Variants in EIF2B2 observed in about 807,000 individuals in gnomAD.
EIF2B2 encodes the protein translation initiation factor eIF2B subunit beta.
Under a neutral mutation model 34.7 loss-of-function variants are expected in EIF2B2, and 34 were observed. The ratio of observed to expected loss-of-function variants is 0.98; its 90% CI spans 0.75 to 1.31. EIF2B2 has a LOEUF of 1.31. EIF2B2 is among the 50% of genes most tolerant of loss of function. The pLI, the probability that EIF2B2 is intolerant of heterozygous loss-of-function variation, is 0.00. For synonymous variants in EIF2B2, 155 were observed against 171.6 expected (o/e 0.90, Z 0.76); for missense variants, 361 against 447.7 (o/e 0.81, Z 1.75).
rs199523469 is a variant in EIF2B2 at position 75,009,236 on chromosome 14, A to C, written c.*48A>C. On this transcript the variant is annotated 3_prime_UTR_variant, in exon 8 of 8. Coordinates refer to ENST00000266126, the MANE Select transcript of EIF2B2 (RefSeq NM_014239.4). The stretch of plus-strand genomic sequence containing the variant: ...GATTGCTTAGGCAGATACAGAATGA[A>C]GAGGAGACTTGAGTGTTGCTGCTGA... The C allele has an allele frequency of 1.3e-3, 2,036 of 1,609,350 alleles. 1 individual carries two copies. Among genetic ancestry groups the C allele is most frequent in the Non-Finnish European group, 1.6e-3 (1,901 of 1,176,506 alleles).
In EIF2B2 at chr14:75,010,809, T is replaced by A. The variant is rs560358060; in HGVS notation, c.*1621T>A. The A allele has an allele frequency of 6.6e-6, 1 of 152,200 alleles. No homozygotes were observed. The highest frequency in any genetic ancestry group is 1.5e-5 in the Non-Finnish European group (1 of 68,046). 9.4% of individuals were successfully genotyped at this position (152,200 alleles called of 1,614,324 possible). The stretch of plus-strand genomic sequence containing the variant: ...TGGGACAGATTTGCAAGGAAGTCCA[T>A]TTGATACTCTGTTAGTTAAAAACAA... On this transcript the variant is annotated 3_prime_UTR_variant, in exon 8 of 8. Transcript: ENST00000266126.
rs560412948 is a variant in EIF2B2, at chr14:75,011,953, A to T, written c.*2765A>T. ...TCCTTCCCAGGCATGACTGAGTTGG[A>T]TGAAGGTTATAAGGGTAGAAGCTCT... On this transcript the variant is annotated 3_prime_UTR_variant, in exon 8 of 8. Coordinates refer to ENST00000266126, the MANE Select transcript of EIF2B2 (RefSeq NM_014239.4). 2.0e-5 allele frequency: 3 copies of T among 152,230 alleles called. No individual in the cohort carries two copies. The highest frequency in any genetic ancestry group is 2.9e-5 in the Non-Finnish European group (2 of 68,040). The allele number at this position is 152,230 out of a possible 1,614,324, so 9.4% of individuals were successfully genotyped here.
Position 75,003,012 on chromosome 14 carries a change from G to T in EIF2B2, c.22G>T (p.Gly8Cys). 6.2e-7 allele frequency: 1 copy of T among 1,614,132 alleles called. No individual in the cohort carries two copies. The highest frequency in any genetic ancestry group is 8.5e-7 in the Non-Finnish European group (1 of 1,180,026). MPGSAAK[G>C]SELSERIESF... ...AAAGATGCCGGGATCCGCAGCGAAG[G>T]GCTCGGAGTTGTCAGAGAGGATCGA... Residue 8 changes from glycine to cysteine, a missense_variant, in exon 1 of 8, where the codon GGC (glycine) becomes TGC (cysteine). Physicochemically the swap from Gly to Cys is radical, Grantham distance 159 (BLOSUM62 -3). Transcript: ENST00000266126.
Position 75,006,796 on chromosome 14 carries a change from C to T in EIF2B2, c.831+82C>T, listed in dbSNP as rs1215695128. Reference sequence around the variant, plus strand: ...GGCTTGAACTCTGGGACTTCAACCACCTCACTCCAGGGCCTCCATTTATCT... The same window carrying T: ...GGCTTGAACTCTGGGACTTCAACCATCTCACTCCAGGGCCTCCATTTATCT... On this transcript the variant is annotated intron_variant, in intron 6 of 7. Coordinates refer to ENST00000266126, the MANE Select transcript of EIF2B2 (RefSeq NM_014239.4). The surrounding 1 kb of genome is among the most constrained non-coding windows in gnomAD (Gnocchi z 4.1). 3.2e-6 allele frequency: 5 copies of T among 1,581,766 alleles called. No homozygotes were observed. Among genetic ancestry groups the T allele is most frequent in the Middle Eastern group, 1.7e-4 (1 of 6,006 alleles).
chr14:75,006,645 G>T lies in EIF2B2; in HGVS notation c.762G>T (p.Leu254=). 1 of 1,614,172 alleles carries T rather than the reference G, an allele frequency of 6.2e-7. No individual in the cohort carries two copies. The highest frequency in any genetic ancestry group is 1.1e-5 in the South Asian group (1 of 91,084). The change falls in exon 6 of 8, where the codon CTG becomes CTT. Residue 254 remains leucine (L), a synonymous_variant. Coordinates refer to ENST00000266126, the MANE Select transcript of EIF2B2 (RefSeq NM_014239.4). The surrounding 1 kb of genome is among the most constrained non-coding windows in gnomAD (Gnocchi z 4.1). ...ALRAVTGTHT[L]ALAAKHHSTP... ...GAGCTGTGACAGGAACTCACACTCT[G>T]GCACTGGCAGCAAAACACCATTCCA...
chr14:75,009,583 A>C lies in EIF2B2; in HGVS notation c.*395A>C. The C allele has an allele frequency of 3.3e-6, 1 of 305,850 alleles. No individual in the cohort carries two copies. The highest frequency in any genetic ancestry group is 6.4e-6 in the Non-Finnish European group (1 of 157,388). 18.9% of individuals were successfully genotyped at this position (305,850 alleles called of 1,614,324 possible). A position where few individuals can be genotyped will look rare whatever the true frequency, so the allele number is the denominator to read the frequency against. Reference sequence around the variant, plus strand: ...AGGCTCTACCAATAAAAGCCACTTGAAGGTTCCATAGTTGGTTTATTTATT... The same window carrying C: ...AGGCTCTACCAATAAAAGCCACTTGCAGGTTCCATAGTTGGTTTATTTATT... On this transcript the variant is annotated 3_prime_UTR_variant, in exon 8 of 8. Coordinates refer to ENST00000266126, the MANE Select transcript of EIF2B2 (RefSeq NM_014239.4).
In EIF2B2 at chr14:75,011,175, A is replaced by G. The variant is rs2139259865; in HGVS notation, c.*1987A>G. 6.6e-6 allele frequency: 1 copy of G among 152,364 alleles called. No homozygotes were observed. The highest frequency in any genetic ancestry group is 2.1e-4 in the South Asian group (1 of 4,828). 9.4% of individuals were successfully genotyped at this position (152,364 alleles called of 1,614,324 possible). On this transcript the variant is annotated 3_prime_UTR_variant, in exon 8 of 8. Coordinates refer to ENST00000266126, the MANE Select transcript of EIF2B2 (RefSeq NM_014239.4). ...GCCACTGCACTTTAGCCTGGGCAAC[A>G]GTGGGTGAGACTCTGTCTCACAAAA...
In EIF2B2 at chr14:75,003,564, A is replaced by T. The variant is rs368133564; in HGVS notation, c.298A>T (p.Ser100Cys). The change falls in exon 3 of 8, where the codon AGC becomes TGC. Residue 100 changes from serine (S) to cysteine (C), a missense_variant. Coordinates refer to ENST00000266126, the MANE Select transcript of EIF2B2 (RefSeq NM_014239.4). ...REEYGRLHGRSDESDQQESLH... is the reference protein window; with the variant it reads ...REEYGRLHGRCDESDQQESLH... ...TTGCCTCTATAGACTCCATGGACGC[A>T]GCGACGAGAGTGATCAGCAGGAGTC... 6.2e-6 allele frequency: 10 copies of T among 1,614,056 alleles called. No homozygotes were observed. The African/African-American group carries it at 1.3e-4, about 22-fold the overall frequency.
chr14:75,004,920 T>A lies in EIF2B2; in HGVS notation c.597+20T>A, dbSNP rs764725120. ...TGCCAGGTAAGGAGACTGCTGGAGTTGCTACTAAGAAAAATGAAAAATGAA... is the reference window on the plus strand; with the variant it reads ...TGCCAGGTAAGGAGACTGCTGGAGTAGCTACTAAGAAAAATGAAAAATGAA... On this transcript the variant is annotated intron_variant, in intron 4 of 7. Coordinates refer to ENST00000266126, the MANE Select transcript of EIF2B2 (RefSeq NM_014239.4). 6.2e-7 allele frequency: 1 copy of A among 1,608,648 alleles called. No homozygotes were observed. Among genetic ancestry groups the A allele is most frequent in the Non-Finnish European group, 8.5e-7 (1 of 1,177,024 alleles).
chr14:75,007,827 G>A (rs1230657345), intron 7 of EIF2B2, 39 bp downstream of exon 7: 1 of 1,599,998 alleles, frequency 6.3e-7, no homozygotes, highest in South Asian at 1.1e-5. Context: ...TGTGTTGTGT[G>A]TATTCGGGGT....
At chr14:75,004,687 A>AT (rs770181233) in intron 3 of EIF2B2, 50 bp from the exon 4 acceptor site, 6 of 107,676 alleles carry the variant, frequency 5.6e-5, no homozygotes, top group South Asian at 2.1e-4. Flanking sequence ...ATATATATAT[A>AT]TATTTTTTTT....
chr14:75,006,491 G>C lies in EIF2B2; in HGVS notation c.694-86G>C. The C allele has an allele frequency of 6.3e-7, 1 of 1,591,610 alleles. No homozygotes were observed. Among genetic ancestry groups the C allele is most frequent in the Non-Finnish European group, 8.5e-7 (1 of 1,170,768 alleles). On this transcript the variant is annotated intron_variant, in intron 5 of 7. Coordinates refer to ENST00000266126, the MANE Select transcript of EIF2B2 (RefSeq NM_014239.4). The surrounding 1 kb of genome is among the most constrained non-coding windows in gnomAD (Gnocchi z 4.1). ...TGACCCCTCACGATACCAATTCTGA[G>C]GTCTAAGCATTTAGCTTTTTGTGGC...
intron 2 of EIF2B2, 62 bp from the exon 3 acceptor site, chr14:75,003,488 GC>G: frequency 6.2e-7 from 1 of 1,614,066 alleles, no homozygotes; most frequent in Admixed American, 1.7e-5. Flanking sequence ...GAGCTGAACA[GC>G]CCTTGTTACC....
chr14:75,004,687 A>ATT (rs770181233), intron 3 of EIF2B2, 50 bp from the exon 4 acceptor site: 21 of 107,674 alleles, frequency 2.0e-4, no homozygotes, highest in African/African-American at 2.8e-4. Flanking sequence ...ATATATATAT[A>ATT]TATTTTTTTT....
intron 2 of EIF2B2, 69 bp downstream of exon 2, chr14:75,003,464 C>T (rs918318919): frequency 7.4e-6 from 12 of 1,613,890 alleles, no homozygotes; most frequent in South Asian, 2.2e-5. Flanking sequence ...TCTACCTGCT[C>T]GGAGACTTTA....
Position 75,004,817 on chromosome 14 carries a change from C to A in EIF2B2, c.514C>A (p.Arg172=). The change falls in exon 4 of 8, where the codon CGA becomes AGA. Residue 172 remains arginine, a synonymous_variant. Transcript: ENST00000266126. The part of the protein sequence containing the change: ...NEVIMTIGFS[R]TVEAFLKEAA... ...GGTGATCATGACCATTGGCTTCTCC[C>A]GAACAGTAGAGGCCTTCCTCAAAGA... 1 of 1,610,824 alleles carries A rather than the reference C, an allele frequency of 6.2e-7. No individual in the cohort carries two copies. Among genetic ancestry groups the A allele is most frequent in the Non-Finnish European group, 8.5e-7 (1 of 1,179,362 alleles).
At chr14:75,004,997 C>G (rs1445957955) in intron 4 of EIF2B2, 97 bp downstream of exon 4, 7 of 1,302,806 alleles carry the variant, frequency 5.4e-6, no homozygotes, top group East Asian at 2.4e-5. Flanking sequence ...AATTGATAAG[C>G]AAGACTTTGA....
chr14:75,002,941 C>A lies in EIF2B2; in HGVS notation c.-50C>A. On this transcript the variant is annotated 5_prime_UTR_variant, in exon 1 of 8. The change creates a new upstream start codon in the 5' untranslated region. Transcript: ENST00000266126. ...GCCCCGGAAGTGCAAACTGTGTGGT[C>A]TGGCAGGTGTGGATTCCGCCGGTGA... is the stretch of plus-strand genomic sequence containing the variant. The A allele has an allele frequency of 6.2e-7, 1 of 1,612,626 alleles. No individual in the cohort carries two copies. Among genetic ancestry groups the A allele is most frequent in the South Asian group, 1.1e-5 (1 of 90,918 alleles).
chr14:75,004,989 T>G (rs1427450113), intron 4 of EIF2B2, 89 bp downstream of exon 4: 2 of 1,380,474 alleles, frequency 1.4e-6, no homozygotes, highest in East Asian at 4.7e-5. Flanking sequence ...CAACCTTGAA[T>G]TGATAAGCAA....
Sources: gnomAD v4.1 joint callset for allele counts on GRCh38, gnomAD v4.1.1 for gene constraint, Gnocchi (gnomAD v3.1) non-coding constraint, MANE v1.5 for transcripts, NCBI Gene and HGNC (gene_info 2026-07-23, HGNC 2026-07-21) for gene names.